SLC35A5: variants seen among roughly 807,000 people sequenced by gnomAD.
SLC35A5 encodes UDP-sugar transporter protein SLC35A5.
Under a neutral mutation model 36.3 loss-of-function variants are expected in SLC35A5, and 28 were observed. That is an observed-to-expected ratio of 0.77 (90% confidence interval 0.57 to 1.06). SLC35A5 has a LOEUF of 1.06. SLC35A5 is among the 50% of genes least tolerant of loss of function. The pLI is 0.00. For missense variants in SLC35A5, 521 were observed against 499.3 expected, an observed-to-expected ratio of 1.04 and a Z score of -0.41; for synonymous variants, 180 against 173.7, an observed-to-expected ratio of 1.04 and a Z score of -0.29.
chr3:112,577,951 AC>A (rs1425469712), intron 5 of SLC35A5, among the ~76,000 whole-genome samples: 1 of 152,204 alleles, frequency 6.6e-6, no homozygotes, highest in African/African-American at 2.4e-5. Flanking sequence ...TTGTCTTCAT[AC>A]CCTGCACTAG....
intron 2 of SLC35A5, among the ~76,000 whole-genome samples, chr3:112,565,165 C>T (rs911151883): frequency 2.6e-5 from 4 of 151,494 alleles, no homozygotes; most frequent in African/African-American, 9.7e-5. Flanking sequence ...TAGACCTTGT[C>T]CTCAAGACTT....
chr3:112,567,355 G>A (rs955531788), intron 2 of SLC35A5, among the ~76,000 whole-genome samples: 6 of 151,470 alleles, frequency 4.0e-5, no homozygotes, highest in South Asian at 2.1e-4. Flanking sequence ...GTGCACTGGC[G>A]CGATCTCAGC....
chr3:112,573,020 T>C (rs1934514387), intron 4 of SLC35A5, among the ~76,000 whole-genome samples: 1 of 152,210 alleles, frequency 6.6e-6, no homozygotes, highest in Non-Finnish European at 1.5e-5. Flanking sequence ...AACAATGTTA[T>C]ATTCTTGGAG....
upstream of SLC35A5, chr3:112,561,551 G>A: frequency 6.9e-7 from 1 of 1,442,558 alleles, no homozygotes. Context: ...GTAGCGGCCG[G>A]CCCCGCGACG....
chr3:112,563,559 G>A (rs753763608), intron 2 of SLC35A5, 26 bp downstream of exon 2: 3 of 1,549,742 alleles, frequency 1.9e-6, no homozygotes, highest in African/African-American at 2.7e-5. Flanking sequence ...GTATATGCAT[G>A]GAGCACTTCC....
intron 1 of SLC35A5, among the ~76,000 whole-genome samples, chr3:112,562,935 T>G (rs149483523): frequency 0.01 from 1,570 of 152,164 alleles, 25 homozygotes; most frequent in African/African-American, 0.035. Context: ...TGGCGGGCGC[T>G]TGTAGTCCCA....
At chr3:112,571,723 C>T (rs1422497120) in intron 4 of SLC35A5, among the ~76,000 whole-genome samples, 1 of 152,248 alleles carries the variant, frequency 6.6e-6, no homozygotes, top group South Asian at 2.1e-4. Flanking sequence ...GGGGAACTCT[C>T]ATTTATAAAA....
At chr3:112,571,267 T>C (rs1934422569) in intron 4 of SLC35A5, among the ~76,000 whole-genome samples, 1 of 152,242 alleles carries the variant, frequency 6.6e-6, no homozygotes, top group African/African-American at 2.4e-5. Context: ...AGAAAGCCAT[T>C]AGTAATCCGA....
chr3:112,582,365 A>G (rs950308093), intron 6 of SLC35A5, among the ~76,000 whole-genome samples: 1 of 152,166 alleles, frequency 6.6e-6, no homozygotes, highest in Non-Finnish European at 1.5e-5. Context: ...GAAAATCTAT[A>G]TAGGTAACAA....
rs574223020 is a variant in SLC35A5, at chr3:112,567,998, G to A, written c.131-1173G>A. On this transcript the variant is annotated intron_variant, in intron 2 of 6. Coordinates refer to ENST00000492406, the MANE Select transcript of SLC35A5 (RefSeq NM_017945.5). ...TTTTGACTATGCTTTGAATGATGGG[G>A]TAAAGTTGAACAGGCAGATATTTAA... 2.6e-5 allele frequency among the ~76,000 whole-genome samples: 4 copies of A among 152,284 alleles called. No homozygotes were observed. In the East Asian group the frequency reaches 7.7e-4, roughly 29 times the overall value.
At chr3:112,566,077 T>G (rs1174141426) in intron 2 of SLC35A5, among the ~76,000 whole-genome samples, 1 of 152,154 alleles carries the variant, frequency 6.6e-6, no homozygotes, top group Non-Finnish European at 1.5e-5. Flanking sequence ...TTGGAAGTAG[T>G]AAGATAAATA....
chr3:112,580,823 A>T lies in SLC35A5; in HGVS notation c.706A>T (p.Ile236Phe), dbSNP rs758430161. ...CCGTCTTGGCATGGGCCATGTTCTT[A>T]TTATAGTCCAGTGTTTTATTTCTTC... Reference protein sequence around the residue: ...HIRLGMGHVLIIVQCFISSMA... With the variant: ...HIRLGMGHVLFIVQCFISSMA... Residue 236 changes from isoleucine (I) to phenylalanine (F), a missense_variant, in exon 6 of 7, where the codon ATT becomes TTT. Physicochemically the swap from Ile to Phe is conservative, Grantham distance 21 (BLOSUM62 0). Transcript: ENST00000492406. The T allele has an allele frequency of 6.2e-7, 1 of 1,614,174 alleles. No homozygotes were observed. The highest frequency in any genetic ancestry group is 8.5e-7 in the Non-Finnish European group (1 of 1,180,002).
At position 112,580,649 on chromosome 3, in the gene SLC35A5, C is replaced by T. The variant is rs144280370; in HGVS notation, c.532C>T (p.Arg178Cys). Residue 178 changes from arginine (R) to cysteine (C), a missense_variant, in exon 6 of 7, where the codon CGT becomes TGT. Coordinates refer to ENST00000492406, the MANE Select transcript of SLC35A5 (RefSeq NM_017945.5). ...TKTLQHNLAGRGFHHDAFFSP... is the reference protein window; with the variant it reads ...TKTLQHNLAGCGFHHDAFFSP... ...AACTTTACAGCACAACTTGGCAGGACGTGGATTTCATCACGATGCCTTTTT... is the reference window on the plus strand; with the variant it reads ...AACTTTACAGCACAACTTGGCAGGATGTGGATTTCATCACGATGCCTTTTT... The T allele has an allele frequency of 9.3e-6, 15 of 1,613,982 alleles. No homozygotes were observed. The highest frequency in any genetic ancestry group is 6.6e-5 in the South Asian group (6 of 91,084).
At position 112,584,586 on chromosome 3, in the gene SLC35A5, G is replaced by C. The variant is rs1375681655; in HGVS notation, c.*1850G>C. 1 of 152,070 alleles carries C rather than the reference G, an allele frequency of 6.6e-6. No individual in the cohort carries two copies. The allele number at this position is 152,070 out of a possible 1,614,324, so 9.4% of individuals were successfully genotyped here. ...TTTGCACAAAGTTAAGTTTACTTAT[G>C]TTAACTTGCCACTTAATGAGAGAGG... On this transcript the variant is annotated 3_prime_UTR_variant, in exon 7 of 7. Transcript: ENST00000492406.
In SLC35A5 at chr3:112,582,905, A is replaced by T. The variant is rs1934997331; in HGVS notation, c.*169A>T. The T allele has an allele frequency of 3.7e-6, 2 of 536,510 alleles. No homozygotes were observed. The highest frequency in any genetic ancestry group is 6.5e-6 in the Non-Finnish European group (2 of 306,844). 33.2% of individuals were successfully genotyped at this position (536,510 alleles called of 1,614,324 possible). ...TTCCATCCAAGGCTTAGAGTACCCA[A>T]AGGCTAAGAAATTCTAAAGAACTGA... On this transcript the variant is annotated 3_prime_UTR_variant, in exon 7 of 7. Transcript: ENST00000492406.
intron 3 of SLC35A5, 77 bp from the exon 4 acceptor site, chr3:112,570,463 G>A: frequency 6.9e-7 from 1 of 1,441,722 alleles, no homozygotes. Context: ...AATTGTATCA[G>A]TAATCAAGTG....
rs1935109213 is a variant in SLC35A5, at chr3:112,585,424, T to G, written c.*2688T>G. On this transcript the variant is annotated 3_prime_UTR_variant, in exon 7 of 7. Transcript: ENST00000492406. ...TATCAGATGGGAAGGACATGAGGGT[T>G]GACAAAATATGTATTGGGTACAATG... 1.3e-5 allele frequency: 2 copies of G among 152,148 alleles called. No homozygotes were observed. Among genetic ancestry groups the G allele is most frequent in the Admixed American group, 1.3e-4 (2 of 15,260 alleles). The allele number at this position is 152,148 out of a possible 1,614,324, so 9.4% of individuals were successfully genotyped here.
chr3:112,579,214 A>C (rs955224468), intron 5 of SLC35A5, among the ~76,000 whole-genome samples: 1 of 152,140 alleles, frequency 6.6e-6, no homozygotes, highest in Non-Finnish European at 1.5e-5. Context: ...ATACAAAACC[A>C]TGGATCCGAT....
At chr3:112,570,494 T>C (rs1324950573) in intron 3 of SLC35A5, 46 bp from the exon 4 acceptor site, 3 of 1,559,298 alleles carry the variant, frequency 1.9e-6, no homozygotes, top group Admixed American at 2.0e-5. Flanking sequence ...TCTCTAAAAA[T>C]GTGGGCATTC....
Sources: allele counts gnomAD v4.1 joint callset (sites outside exome capture counted in the v4.1 genomes callset), GRCh38; gene constraint gnomAD v4.1.1; transcripts MANE v1.5; gene names NCBI Gene and HGNC (gene_info 2026-07-23, HGNC 2026-07-21).